The following PTGER3 variants were observed in gnomAD, a reference collection of about 807,000 sequenced individuals.
PTGER3 encodes prostaglandin E receptor 3, also known as prostaglandin E2 receptor EP3 subtype.
Under a neutral mutation model 34.7 loss-of-function variants are expected in PTGER3, and 22 were observed. The observed-to-expected ratio is 0.63, with a 90% CI of 0.45 to 0.91. The LOEUF (loss-of-function observed/expected upper bound fraction) is 0.91. Ranked by LOEUF, PTGER3 falls within the 40% of genes least tolerant of loss-of-function variation. The probability of loss-of-function intolerance (pLI) is 0.00; values close to 1 mark genes in which losing one functional copy is unlikely to be tolerated. For synonymous variants in PTGER3, 241 were observed against 230.1 expected (o/e 1.05, Z -0.43); for missense variants, 468 against 519.4 (o/e 0.90, Z 0.96).
chr1:70,987,263 A>C (rs545974575), intron 2 of PTGER3, among the ~76,000 whole-genome samples: 1 of 152,346 alleles, frequency 6.6e-6, no homozygotes, highest in African/African-American at 2.4e-5. Context: ...TTCTAATTCC[A>C]AACAAGTTAA....
At chr1:71,046,301 A>AC (rs1660802457) in intron 1 of PTGER3, among the ~76,000 whole-genome samples, 1 of 150,946 alleles carries the variant, frequency 6.6e-6, no homozygotes, top group Admixed American at 6.6e-5. Context: ...AAAAAAAAAA[A>AC]AAAAACCCCA....
chr1:71,012,398 G>C lies in PTGER3; in HGVS notation c.984C>G (p.Phe328Leu), dbSNP rs1449711131. 3 of 1,613,836 alleles carry C rather than the reference G, an allele frequency of 1.9e-6. No individual in the cohort carries two copies. Among genetic ancestry groups the C allele is most frequent in the Admixed American group, 3.3e-5 (2 of 59,936 alleles). ...GTGAAGCCAGGCGAACAGCTATTAA[G>C]AAGAAGTTGCATTCTTTCTGCTTCT... ...HTEKQKECNFFLIAVRLASLN... is the reference protein window; with the variant it reads ...HTEKQKECNFLLIAVRLASLN... The change falls in exon 2 of 4, where the codon TTC becomes TTG. Residue 328 changes from phenylalanine to leucine, a missense_variant. This residue lies in a region of PTGER3 where 204 missense variants were observed against 230.8 expected (regional missense o/e 0.88). Transcript: ENST00000306666.
At chr1:70,948,588 G>A (rs1650447688), downstream of PTGER3, among the ~76,000 whole-genome samples, 1 of 152,096 alleles carries the variant, frequency 6.6e-6, no homozygotes, top group Admixed American at 6.6e-5. Context: ...AAGGGGAGAG[G>A]CATAATCTAA....
chr1:71,047,633 A>C lies in PTGER3; in HGVS notation c.-56T>G. On this transcript the variant is annotated 5_prime_UTR_variant, in exon 1 of 4. Transcript: ENST00000306666. ...CCAGAGAGCCGCAGCGGGAGGGGGC[A>C]GACGCGGCGCGGGCGGCGGCGGAGG... 1.4e-6 allele frequency: 2 copies of C among 1,456,264 alleles called. No homozygotes were observed. The highest frequency in any genetic ancestry group is 1.8e-6 in the Non-Finnish European group (2 of 1,101,176). The allele number at this position is 1,456,264 out of a possible 1,614,324, so 90.2% of individuals were successfully genotyped here.
chr1:70,907,179 T>C (rs983070131), intron 4 of PTGER3, among the ~76,000 whole-genome samples: 6 of 152,228 alleles, frequency 3.9e-5, no homozygotes, highest in Non-Finnish European at 8.8e-5. Flanking sequence ...TTGTTTCTGT[T>C]TTAGCTATGG....
chr1:70,923,132 CT>C (rs552958403), intron 4 of PTGER3, among the ~76,000 whole-genome samples: 3 of 151,694 alleles, frequency 2.0e-5, no homozygotes, highest in Non-Finnish European at 4.4e-5. Context: ...CAATAATGCA[CT>C]AACACAACAG....
chr1:70,929,089 T>C (rs1230391428), intron 4 of PTGER3, among the ~76,000 whole-genome samples: 3 of 152,194 alleles, frequency 2.0e-5, no homozygotes, highest in African/African-American at 7.2e-5. Flanking sequence ...TGACCTTGTG[T>C]GTATTATTAT....
At chr1:70,897,558 T>A (rs1646747398) in intron 4 of PTGER3, among the ~76,000 whole-genome samples, 2 of 152,100 alleles carry the variant, frequency 1.3e-5, no homozygotes, top group Admixed American at 1.3e-4. Flanking sequence ...CTGTTTCCAT[T>A]CTATCAAGCT....
intron 2 of PTGER3, among the ~76,000 whole-genome samples, chr1:70,990,350 GTC>G (rs1289541012): frequency 2.2e-4 from 25 of 112,610 alleles, no homozygotes; most frequent in African/African-American, 6.0e-4. Flanking sequence ...GAACGAGACT[GTC>G]TCACACACAC....
chr1:70,873,829 AG>A (rs913370057), intron 4 of PTGER3, among the ~76,000 whole-genome samples: 2 of 151,934 alleles, frequency 1.3e-5, no homozygotes, highest in African/African-American at 4.8e-5. Context: ...TTGTATCTTT[AG>A]CAGAGACAGG....
intron 1 of PTGER3, among the ~76,000 whole-genome samples, chr1:71,015,203 A>G (rs1275966485): frequency 6.6e-6 from 1 of 152,126 alleles, no homozygotes; most frequent in Non-Finnish European, 1.5e-5. Flanking sequence ...GAAGGCCTAC[A>G]ATTGTGTGTG....
At chr1:70,928,495 T>A (rs1209898202) in intron 4 of PTGER3, among the ~76,000 whole-genome samples, 4 of 151,910 alleles carry the variant, frequency 2.6e-5, no homozygotes, top group Non-Finnish European at 5.9e-5. Context: ...TAGCCAGGCA[T>A]GGTGGCATGT....
intron 4 of PTGER3, among the ~76,000 whole-genome samples, chr1:70,910,413 T>G (rs1307127858): frequency 6.6e-5 from 10 of 152,164 alleles, no homozygotes; most frequent in Admixed American, 6.5e-4. Context: ...TATTTTATTT[T>G]ATTTTTCTAG....
At chr1:70,948,697 T>G (rs1650455825), downstream of PTGER3, among the ~76,000 whole-genome samples, 1 of 152,328 alleles carries the variant, frequency 6.6e-6, no homozygotes, top group South Asian at 2.1e-4. Context: ...ACAAGATTTT[T>G]TTTAATTATA....
chr1:71,009,944 T>C, intron 2 of PTGER3: 1 of 985,216 alleles, frequency 1.0e-6, no homozygotes, highest in Non-Finnish European at 1.2e-6. Context: ...GGATTTTCAT[T>C]TCTTATCAGG....
At position 70,956,702 on chromosome 1, in the gene PTGER3, G is replaced by A. The variant is rs78080081; in HGVS notation, c.1078-2913C>T. Among the ~76,000 whole-genome samples, 261 of 152,232 alleles carry A rather than the reference G, an allele frequency of 1.7e-3. 2 individuals are homozygous for A. The highest frequency in any genetic ancestry group is 6.0e-3 in the African/African-American group (251 of 41,544). ...GAGGCAGTTGACCCAAACTCAAGAT[G>A]AAACTTTTATAAATAAATATAGGCT... On this transcript the variant is annotated intron_variant, in intron 2 of 3. Coordinates refer to the PTGER3 transcript ENST00000356595.
intron 3 of PTGER3, among the ~76,000 whole-genome samples, chr1:70,974,090 A>G (rs1267478529): frequency 4.6e-5 from 7 of 152,152 alleles, no homozygotes. Context: ...GACTCAAGCC[A>G]GTTTCAAAAA....
At chr1:70,852,992 TAACAAG>T (rs934947772) in intron 4 of PTGER3, 48 of 1,047,728 alleles carry the variant, frequency 4.6e-5, no homozygotes, top group East Asian at 2.9e-4. Flanking sequence ...TACAGCAGTA[TAACAAG>T]AACAAGAACA....
intron 4 of PTGER3, among the ~76,000 whole-genome samples, chr1:70,946,278 T>A (rs1294595976): frequency 6.6e-6 from 1 of 152,124 alleles, no homozygotes; most frequent in African/African-American, 2.4e-5. Context: ...CAGGCCCCAT[T>A]TGAAGCCTTT....
Sources: allele counts gnomAD v4.1 joint callset (sites outside exome capture counted in the v4.1 genomes callset), GRCh38; gene constraint gnomAD v4.1.1; regional missense constraint gnomAD v4.1.1; transcripts MANE v1.5; gene names NCBI Gene and HGNC (gene_info 2026-07-23, HGNC 2026-07-21).